Variants in UGDH observed in about 807,000 individuals in gnomAD.
The protein encoded by UGDH is UDP-glucose 6-dehydrogenase, also known as UDP-Glc dehydrogenase.
In UGDH, 38 loss-of-function variants were observed where a neutral mutation model predicts 50.6. The ratio of observed to expected loss-of-function variants is 0.75; its 90% CI spans 0.58 to 0.98. UGDH has a LOEUF of 0.98. Ranked by LOEUF, UGDH falls within the 50% of genes least tolerant of loss-of-function variation. The pLI is 0.00. For synonymous variants in UGDH, 168 were observed against 199.9 expected (o/e 0.84, Z 1.35); for missense variants, 465 against 606.2 (o/e 0.77, Z 2.45).
chr4:39,526,275 AAGAAGGAAGATGGATT>A (rs1746888356), intron 1 of UGDH: 1 of 152,248 alleles, frequency 6.6e-6, no homozygotes, highest in Non-Finnish European at 1.5e-5. Context: ...GGAAGTAAAC[AAGAAGGAAGATGGATT>A]ATGCTTATCC....
In UGDH at chr4:39,499,612, ACTGAG is replaced by A. The variant is rs1213909804; in HGVS notation, c.*526_*530del. ...ATGATTATCTTTCACTCATCCAATA[ACTGAG>A]CTAACAGTATTATAAAAATATGTAA... On this transcript the variant is annotated 3_prime_UTR_variant, in exon 12 of 12. Coordinates refer to ENST00000316423, the MANE Select transcript of UGDH (RefSeq NM_003359.4). 2.0e-5 allele frequency: 3 copies of A among 152,256 alleles called. No homozygotes were observed. Among genetic ancestry groups the A allele is most frequent in the African/African-American group, 7.2e-5 (3 of 41,468 alleles). 9.4% of individuals were successfully genotyped at this position (152,256 alleles called of 1,614,324 possible). A position where few individuals can be genotyped will look rare whatever the true frequency, so the allele number is the denominator to read the frequency against.
intron 5 of UGDH, 23 bp downstream of exon 5, chr4:39,510,330 A>G: frequency 6.2e-7 from 1 of 1,608,416 alleles, no homozygotes. Context: ...AATTTAATGA[A>G]GAGTTGAATG....
intron 11 of UGDH, 83 bp from the exon 12 acceptor site, chr4:39,500,336 G>T: frequency 1.2e-6 from 1 of 825,036 alleles, no homozygotes; most frequent in Non-Finnish European, 1.8e-6. Flanking sequence ...GGGAGCAGGG[G>T]GAATCTAGAT....
intron 2 of UGDH, 69 bp from the exon 3 acceptor site, chr4:39,514,253 G>C: frequency 8.4e-7 from 1 of 1,195,322 alleles, no homozygotes; most frequent in Non-Finnish European, 1.2e-6. Flanking sequence ...TAATAGTATA[G>C]AATTACATTT....
chr4:39,521,199 T>C (rs1268002037), intron 2 of UGDH, 152 bp downstream of exon 2: 1 of 727,060 alleles, frequency 1.4e-6, no homozygotes, highest in East Asian at 3.1e-5. Context: ...AAGTAATGTG[T>C]TTTAATGTCC....
At chr4:39,511,899 C>T (rs561011321) in intron 3 of UGDH, among the ~76,000 whole-genome samples, 4 of 151,724 alleles carry the variant, frequency 2.6e-5, no homozygotes, top group African/African-American at 7.3e-5. Context: ...GACGGGGTTT[C>T]ACCATGTTGG....
intron 7 of UGDH, 25 bp downstream of exon 7, chr4:39,508,541 A>G: frequency 6.2e-7 from 1 of 1,604,220 alleles, no homozygotes; most frequent in South Asian, 1.1e-5. Context: ...GCTAAACAGA[A>G]ATTATTACCT....
At chr4:39,522,580 T>TAA (rs1313523359) in intron 1 of UGDH, among the ~76,000 whole-genome samples, 1 of 152,222 alleles carries the variant, frequency 6.6e-6, no homozygotes, top group Non-Finnish European at 1.5e-5. Context: ...GAATCTGTAT[T>TAA]AAACAATATT....
In UGDH at chr4:39,508,573, C is replaced by T; in HGVS notation, c.899G>A (p.Trp300Ter). The T allele has an allele frequency of 1.9e-6, 3 of 1,611,020 alleles. No homozygotes were observed. Among genetic ancestry groups the T allele is most frequent in the Non-Finnish European group, 2.5e-6 (3 of 1,179,052 alleles). ...ALNLPEVARY[W>*]QQVIDMNDYQ... ...ACCTATAGAGATTAATACCTGCTGC[C>T]AATAACGAGCTACTTCTGGCAAATT... Residue 300 changes from tryptophan (W) to a stop codon, truncating the protein, a stop_gained, in exon 7 of 12, where the codon TGG (tryptophan) becomes TAG (stop). Coordinates refer to ENST00000316423, the MANE Select transcript of UGDH (RefSeq NM_003359.4). LOFTEE classifies it high-confidence loss of function.
intron 2 of UGDH, among the ~76,000 whole-genome samples, chr4:39,514,927 C>G (rs1281645499): frequency 6.6e-6 from 1 of 152,042 alleles, no homozygotes; most frequent in Non-Finnish European, 1.5e-5. Context: ...GGTAATCCAC[C>G]TGCCTTGGCC....
intron 6 of UGDH, among the ~76,000 whole-genome samples, chr4:39,508,887 G>A (rs1009899947): frequency 2.7e-5 from 4 of 149,780 alleles, no homozygotes; most frequent in East Asian, 2.0e-4. Flanking sequence ...TTATGGCTAC[G>A]TTTAACTTTT....
chr4:39,518,979 C>T (rs1028589563), intron 2 of UGDH, among the ~76,000 whole-genome samples: 4 of 152,024 alleles, frequency 2.6e-5, no homozygotes, highest in Non-Finnish European at 5.9e-5. Context: ...TATAGTGGTG[C>T]GATCTCAGCT....
intron 1 of UGDH, among the ~76,000 whole-genome samples, chr4:39,521,989 T>C (rs17510603): frequency 0.24 from 34,657 of 143,264 alleles, 4,942 homozygotes; most frequent in South Asian, 0.33. Context: ...AGTTCCACAG[T>C]CCAGAATTGG....
In UGDH at chr4:39,504,476, A is replaced by G. The variant is rs899094826; in HGVS notation, c.1204T>C (p.Tyr402His). The change falls in exon 10 of 12, where the codon TAT becomes CAT. Residue 402 changes from tyrosine to histidine, a missense_variant. Physicochemically the swap from Tyr to His is moderately conservative, Grantham distance 83 (BLOSUM62 2). Coordinates refer to ENST00000316423, the MANE Select transcript of UGDH (RefSeq NM_003359.4). ...SRLVTISKDP[Y>H]EACDGAHAVV... Reference sequence around the variant, plus strand: ...GCATGGGCACCATCACATGCTTCATATGGATCCTTGGAAATGGTCACGAGC... The same window carrying G: ...GCATGGGCACCATCACATGCTTCATGTGGATCCTTGGAAATGGTCACGAGC... 2 of 1,613,908 alleles carry G rather than the reference A, an allele frequency of 1.2e-6. No individual in the cohort carries two copies. Among genetic ancestry groups the G allele is most frequent in the African/African-American group, 1.3e-5 (1 of 74,896 alleles).
chr4:39,505,534 T>C, intron 8 of UGDH, 84 bp downstream of exon 8: 1 of 1,275,870 alleles, frequency 7.8e-7, no homozygotes, highest in South Asian at 2.4e-5. Context: ...ACATGTATTT[T>C]ATGTACACCT....
At position 39,500,145 on chromosome 4, in the gene UGDH, ACACTTTAG is replaced by A; in HGVS notation, c.1475_1482del (p.Pro492LeufsTer29). On this transcript the variant is annotated frameshift_variant, in exon 12 of 12. Coordinates refer to ENST00000316423, the MANE Select transcript of UGDH (RefSeq NM_003359.4). LOFTEE classifies it high-confidence loss of function. ...ATCACAAATAAAAATGGCAATCTCT[ACACTTTAG>A]GTTTCTTGTTAGGTGGATCTTGAAG... is the stretch of plus-strand genomic sequence containing the variant. 1 of 1,552,310 alleles carries A rather than the reference ACACTTTAG, an allele frequency of 6.4e-7. No homozygotes were observed. The highest frequency in any genetic ancestry group is 8.7e-7 in the Non-Finnish European group (1 of 1,145,308).
chr4:39,501,158 G>A (rs1437700678), intron 11 of UGDH, among the ~76,000 whole-genome samples: 1 of 151,330 alleles, frequency 6.6e-6, no homozygotes, highest in Non-Finnish European at 1.5e-5. Flanking sequence ...AGTAGAGACG[G>A]GGTTTCACTA....
chr4:39,517,924 TTTTGTTTG>T (rs143146546), intron 2 of UGDH, among the ~76,000 whole-genome samples: 1 of 152,068 alleles, frequency 6.6e-6, no homozygotes, highest in Non-Finnish European at 1.5e-5. Context: ...TAGCCATTCT[TTTTGTTTG>T]TTTGTTTGTT....
chr4:39,502,377 A>T (rs971729361), intron 11 of UGDH, among the ~76,000 whole-genome samples: 2 of 152,184 alleles, frequency 1.3e-5, no homozygotes, highest in African/African-American at 4.8e-5. Context: ...CTAAATAAGG[A>T]CCTTCAACAA....
Sources: gnomAD v4.1 joint callset for allele counts (sites outside exome capture counted in the v4.1 genomes callset) on GRCh38, gnomAD v4.1.1 for gene constraint, MANE v1.5 for transcripts, NCBI Gene and HGNC (gene_info 2026-07-23, HGNC 2026-07-21) for gene names.